DAB1: variants seen among roughly 807,000 people sequenced by gnomAD.
DAB1 encodes the protein disabled homolog 1.
In DAB1, 15 loss-of-function variants were observed where a neutral mutation model predicts 64.6. The ratio of observed to expected loss-of-function variants is 0.23; its 90% CI spans 0.16 to 0.36. The LOEUF (loss-of-function observed/expected upper bound fraction) is 0.36, where lower values mean the gene tolerates loss of function less well. Among genes scored for constraint, DAB1 ranks in the 10% least tolerant of loss-of-function variants. The pLI, the probability that DAB1 is intolerant of heterozygous loss-of-function variation, is 1.00. For missense variants in DAB1, 596 were observed against 706.7 expected (o/e 0.84, Z 1.78); for synonymous variants, 235 against 251.9 (o/e 0.93, Z 0.64).
intron 4 of DAB1, among the ~76,000 whole-genome samples, chr1:58,175,436 G>A (rs117998560): frequency 1.3e-3 from 197 of 152,204 alleles, no homozygotes; most frequent in East Asian, 7.0e-3. Context: ...TCTTGAAGTC[G>A]GCAAGACCAA....
chr1:57,986,309 G>T (rs1366416543), intron 5 of DAB1, among the ~76,000 whole-genome samples: 1 of 152,174 alleles, frequency 6.6e-6, no homozygotes, highest in Admixed American at 6.5e-5. Flanking sequence ...TGAGGGTAGA[G>T]TCTTCTTGAT....
intron 5 of DAB1, among the ~76,000 whole-genome samples, chr1:58,140,774 T>G (rs1043404058): frequency 1.3e-5 from 2 of 152,076 alleles, no homozygotes; most frequent in African/African-American, 4.8e-5. Context: ...AAATCACTGA[T>G]AGAATAAATG....
intron 7 of DAB1, among the ~76,000 whole-genome samples, chr1:57,572,674 G>A (rs1487829909): frequency 6.6e-6 from 1 of 152,044 alleles, no homozygotes; most frequent in African/African-American, 2.4e-5. Flanking sequence ...TCATTCTTGT[G>A]TTGCTATAAA....
chr1:58,265,848 A>T (rs1032243374), intron 4 of DAB1, among the ~76,000 whole-genome samples: 1 of 152,164 alleles, frequency 6.6e-6, no homozygotes, highest in African/African-American at 2.4e-5. Context: ...AATTAGCTTC[A>T]TTTGCTGTAG....
chr1:58,229,246 A>G (rs1385513473), intron 4 of DAB1, among the ~76,000 whole-genome samples: 1 of 152,230 alleles, frequency 6.6e-6, no homozygotes, highest in Non-Finnish European at 1.5e-5. Context: ...TGAGATTATA[A>G]GCCTGAGCCA....
At chr1:57,712,973 T>A (rs994444397) in intron 6 of DAB1, among the ~76,000 whole-genome samples, 1 of 152,226 alleles carries the variant, frequency 6.6e-6, no homozygotes, top group Non-Finnish European at 1.5e-5. Flanking sequence ...AAGCATGCTT[T>A]CTTTCTATCA....
At chr1:57,093,053 C>A (rs1033600590) in intron 4 of DAB1, among the ~76,000 whole-genome samples, 2 of 151,952 alleles carry the variant, frequency 1.3e-5, no homozygotes, top group Non-Finnish European at 1.5e-5. Flanking sequence ...ATGCAAAGAC[C>A]CAGATAGACC....
At chr1:57,068,485 A>T (rs1166068639) in intron 8 of DAB1, among the ~76,000 whole-genome samples, 1 of 152,224 alleles carries the variant, frequency 6.6e-6, no homozygotes, top group Non-Finnish European at 1.5e-5. Flanking sequence ...TACTTTTATT[A>T]CACAAGTAAT....
At chr1:58,235,414 A>T (rs1231273927) in intron 4 of DAB1, among the ~76,000 whole-genome samples, 1 of 152,224 alleles carries the variant, frequency 6.6e-6, no homozygotes, top group Non-Finnish European at 1.5e-5. Context: ...AGAATTTTCT[A>T]AGCACCTGGG....
At chr1:58,031,463 A>C (rs139266352) in intron 5 of DAB1, among the ~76,000 whole-genome samples, 53 of 152,288 alleles carry the variant, frequency 3.5e-4, no homozygotes, top group African/African-American at 1.2e-3. Context: ...TGAAATAAGA[A>C]TCTTCAGTGA....
chr1:57,454,590 A>G (rs1192613643), intron 7 of DAB1, among the ~76,000 whole-genome samples: 1 of 152,130 alleles, frequency 6.6e-6, no homozygotes, highest in Non-Finnish European at 1.5e-5. Flanking sequence ...CATAATCTGT[A>G]CAATAAACCC....
At chr1:57,113,805 T>G (rs1056317156) in intron 4 of DAB1, among the ~76,000 whole-genome samples, 2 of 152,210 alleles carry the variant, frequency 1.3e-5, no homozygotes, top group Non-Finnish European at 2.9e-5. Flanking sequence ...ACTACTCTTT[T>G]AACTACTAGG....
At chr1:57,137,564 C>A (rs1335079164) in intron 3 of DAB1, among the ~76,000 whole-genome samples, 1 of 140,358 alleles carries the variant, frequency 7.1e-6, no homozygotes, top group Non-Finnish European at 1.6e-5. Context: ...AGATAAAGAC[C>A]TTTCAAGGGA....
At chr1:58,064,900 T>A (rs570352736) in intron 5 of DAB1, among the ~76,000 whole-genome samples, 246 of 151,836 alleles carry the variant, frequency 1.6e-3, no homozygotes, top group African/African-American at 5.6e-3. Context: ...TTTTTTGTAT[T>A]TTTAGTAGGG....
intron 2 of DAB1, among the ~76,000 whole-genome samples, chr1:57,232,557 A>G (rs1667765384): frequency 6.6e-6 from 1 of 152,176 alleles, no homozygotes; most frequent in Admixed American, 6.5e-5. Context: ...GACTAAATGT[A>G]TCTTAGAGAT....
intron 6 of DAB1, among the ~76,000 whole-genome samples, chr1:57,712,585 A>C (rs1476590037): frequency 1.3e-5 from 2 of 152,192 alleles, no homozygotes; most frequent in African/African-American, 2.4e-5. Context: ...AGTCTCACTC[A>C]TGTGCTTCTG....
At chr1:57,469,812 T>G (rs1687079879) in intron 7 of DAB1, among the ~76,000 whole-genome samples, 1 of 152,220 alleles carries the variant, frequency 6.6e-6, no homozygotes, top group Non-Finnish European at 1.5e-5. Flanking sequence ...TATGGTCAAA[T>G]AAGTTTGGGA....
chr1:58,327,749 A>G (rs1231930504), intron 4 of DAB1, among the ~76,000 whole-genome samples: 3 of 152,214 alleles, frequency 2.0e-5, no homozygotes, highest in African/African-American at 7.2e-5. Flanking sequence ...TCACGAGGTC[A>G]GGAGTTCGAG....
At chr1:58,392,525 C>T (rs1644483861) in intron 3 of DAB1, among the ~76,000 whole-genome samples, 1 of 152,134 alleles carries the variant, frequency 6.6e-6, no homozygotes. Flanking sequence ...TCCTTTCAAC[C>T]ATTTGCTGTC....
Sources: gnomAD v4.1 joint callset for allele counts (sites outside exome capture counted in the v4.1 genomes callset) on GRCh38, gnomAD v4.1.1 for gene constraint, MANE v1.5 for transcripts, NCBI Gene and HGNC (gene_info 2026-07-23, HGNC 2026-07-21) for gene names.